The following MALRD1 variants were observed in gnomAD, a reference collection of about 807,000 sequenced individuals.
The protein encoded by MALRD1 is MAM and LDL-receptor class A domain-containing protein 1.
MALRD1 carries 247 observed loss-of-function variants against 242.1 expected under a neutral mutation model. That is an observed-to-expected ratio of 1.02 (90% CI 0.92 to 1.13). The LOEUF is 1.13. Among genes scored for constraint, MALRD1 ranks in the 50% most tolerant of loss-of-function variants. The probability of loss-of-function intolerance (pLI) is 0.00; values close to 1 mark genes in which losing one functional copy is unlikely to be tolerated. For synonymous variants in MALRD1, 995 were observed against 866.6 expected (o/e 1.15, Z -2.60); for missense variants, 2,989 against 2,533.1 (o/e 1.18, Z -3.86).
chr10:19,557,711 T>C (rs1369404102), intron 32 of MALRD1, among the ~76,000 whole-genome samples: 1 of 152,114 alleles, frequency 6.6e-6, no homozygotes, highest in Non-Finnish European at 1.5e-5. Context: ...TAGTGTCAGT[T>C]GTCTGGCTTT....
At chr10:19,488,317 A>G (rs1326941018) in intron 29 of MALRD1, among the ~76,000 whole-genome samples, 2 of 152,196 alleles carry the variant, frequency 1.3e-5, no homozygotes, top group African/African-American at 4.8e-5. Context: ...GTGAGGCCCA[A>G]GAGAACACGA....
At chr10:19,534,454 C>A (rs1167177509) in intron 32 of MALRD1, among the ~76,000 whole-genome samples, 1 of 152,092 alleles carries the variant, frequency 6.6e-6, no homozygotes, top group African/African-American at 2.4e-5. Context: ...TCTCTAATTT[C>A]GGTATTACAG....
intron 33 of MALRD1, among the ~76,000 whole-genome samples, chr10:19,586,154 C>G (rs1019525421): frequency 1.4e-4 from 21 of 152,120 alleles, no homozygotes; most frequent in Non-Finnish European, 1.5e-5. Flanking sequence ...TTTTCAACTT[C>G]TTTGCCTTTG....
chr10:19,483,553 C>T (rs541587339), intron 29 of MALRD1, among the ~76,000 whole-genome samples: 2 of 152,240 alleles, frequency 1.3e-5, no homozygotes, highest in East Asian at 3.9e-4. Flanking sequence ...TTCCACATCA[C>T]CAGTCTTCAG....
At chr10:19,060,654 T>C (rs946968286) in intron 1 of MALRD1, among the ~76,000 whole-genome samples, 5 of 152,322 alleles carry the variant, frequency 3.3e-5, no homozygotes, top group South Asian at 2.1e-4. Flanking sequence ...TTAGTCAAAA[T>C]TGGATAGTCT....
At chr10:19,219,568 C>A (rs758134172) in intron 18 of MALRD1, among the ~76,000 whole-genome samples, 23 of 152,074 alleles carry the variant, frequency 1.5e-4, no homozygotes, top group Non-Finnish European at 3.1e-4. Flanking sequence ...TCCCAAGTAG[C>A]TGCGCCTATA....
At chr10:19,676,108 G>A (rs942446168) in intron 36 of MALRD1, among the ~76,000 whole-genome samples, 4 of 152,212 alleles carry the variant, frequency 2.6e-5, no homozygotes, top group Non-Finnish European at 5.9e-5. Context: ...TTGAATAAGA[G>A]TAGAGGGTTT....
At chr10:19,528,600 T>G in intron 31 of MALRD1, among the ~76,000 whole-genome samples, 1 of 151,992 alleles carries the variant, frequency 6.6e-6, no homozygotes, top group South Asian at 2.1e-4. Context: ...TCTAAATAAA[T>G]AAAGAAATAA....
At chr10:19,712,775 C>T (rs1407063488) in intron 38 of MALRD1, among the ~76,000 whole-genome samples, 2 of 151,950 alleles carry the variant, frequency 1.3e-5, no homozygotes, top group Admixed American at 6.6e-5. Flanking sequence ...TGTGGAAACT[C>T]GGAGATATCA....
chr10:19,275,402 C>T (rs1035991865), intron 19 of MALRD1, among the ~76,000 whole-genome samples: 6 of 152,168 alleles, frequency 3.9e-5, no homozygotes, highest in African/African-American at 1.4e-4. Context: ...GGTGCGGTGG[C>T]TCACGCCTGT....
intron 33 of MALRD1, among the ~76,000 whole-genome samples, chr10:19,575,633 G>A (rs974924712): frequency 2.0e-5 from 3 of 152,058 alleles, no homozygotes; most frequent in Admixed American, 2.0e-4. Flanking sequence ...AAAATCTCTT[G>A]GTTATGAATA....
chr10:19,631,982 T>C (rs1415723332), intron 36 of MALRD1, among the ~76,000 whole-genome samples: 3 of 152,110 alleles, frequency 2.0e-5, no homozygotes, highest in Non-Finnish European at 4.4e-5. Flanking sequence ...ACTTAATAAT[T>C]GTATAGCAGT....
intron 29 of MALRD1, among the ~76,000 whole-genome samples, chr10:19,469,315 C>G (rs1017689159): frequency 4.6e-5 from 7 of 152,068 alleles, no homozygotes; most frequent in African/African-American, 1.7e-4. Context: ...TTCTCTTCTG[C>G]TAGAGGAAGT....
chr10:19,109,936 G>T (rs1223569104), intron 5 of MALRD1, among the ~76,000 whole-genome samples: 1 of 152,216 alleles, frequency 6.6e-6, no homozygotes, highest in African/African-American at 2.4e-5. Flanking sequence ...GATGGGGGAT[G>T]CTGGGGGCCT....
At chr10:19,359,686 G>C (rs76614533) in intron 26 of MALRD1, among the ~76,000 whole-genome samples, 2,604 of 151,478 alleles carry the variant, frequency 0.017, 76 homozygotes, top group African/African-American at 0.06. Flanking sequence ...GAAAAAAAAA[G>C]ACATCACGAG....
chr10:19,144,065 T>C (rs1833640830), intron 10 of MALRD1, among the ~76,000 whole-genome samples: 1 of 152,232 alleles, frequency 6.6e-6, no homozygotes, highest in Admixed American at 6.5e-5. Context: ...CAAACTGCAC[T>C]TCCCTGTCAT....
At chr10:19,691,869 T>C (rs1484584568) in intron 36 of MALRD1, among the ~76,000 whole-genome samples, 1 of 152,158 alleles carries the variant, frequency 6.6e-6, no homozygotes, top group African/African-American at 2.4e-5. Flanking sequence ...TATGGTAATG[T>C]AAAATTTGAA....
intron 38 of MALRD1, among the ~76,000 whole-genome samples, chr10:19,694,051 C>G (rs1470918528): frequency 6.6e-6 from 1 of 152,100 alleles, no homozygotes; most frequent in Non-Finnish European, 1.5e-5. Context: ...GGATCCCTTC[C>G]TTACACCTTA....
At chr10:19,087,748 A>G (rs1835720685) in intron 2 of MALRD1, 92 bp from the exon 3 acceptor site, 4 of 512,764 alleles carry the variant, frequency 7.8e-6, no homozygotes, top group African/African-American at 2.0e-5. Flanking sequence ...TGAAATTATT[A>G]TTGACTATAG....
Sources: allele counts gnomAD v4.1 joint callset (sites outside exome capture counted in the v4.1 genomes callset), GRCh38; gene constraint gnomAD v4.1.1; transcripts MANE v1.5; gene names NCBI Gene and HGNC (gene_info 2026-07-23, HGNC 2026-07-21).